The following AFG2A variants were observed in gnomAD, a reference collection of about 807,000 sequenced individuals.
AFG2A encodes ATPase family gene 2 protein homolog A.
the AFG2A span, among the ~76,000 whole-genome samples, chr4:123,085,618 C>G: frequency 1.8e-5 from 2 of 110,712 alleles, no homozygotes; most frequent in Non-Finnish European, 3.8e-5. Flanking sequence ...TTCTTGTAGG[C>G]AATATATAGT....
the AFG2A span, chr4:122,979,467 C>T: frequency 2.1e-6 from 3 of 1,446,754 alleles, no homozygotes; most frequent in South Asian, 2.7e-5. Flanking sequence ...AGACTGACTT[C>T]CTAGGCTAAA....
chr4:123,030,699 A>G, the AFG2A span, among the ~76,000 whole-genome samples: 1 of 152,350 alleles, frequency 6.6e-6, no homozygotes, highest in South Asian at 2.1e-4. Flanking sequence ...GGATATACTT[A>G]ATGAATGATG....
chr4:123,022,016 C>T, the AFG2A span, among the ~76,000 whole-genome samples: 1 of 151,118 alleles, frequency 6.6e-6, no homozygotes. Flanking sequence ...CCCTTCCTTA[C>T]GCCTTATACA....
the AFG2A span, among the ~76,000 whole-genome samples, chr4:123,216,381 T>C: frequency 0.054 from 8,249 of 152,256 alleles, 301 homozygotes; most frequent in African/African-American, 0.093. Flanking sequence ...AACTTTGTCC[T>C]AGATAATAAG....
chr4:123,108,146 C>T, the AFG2A span, among the ~76,000 whole-genome samples: 15,817 of 152,240 alleles, frequency 0.1, 932 homozygotes, highest in Middle Eastern at 0.2. Flanking sequence ...CTCACAGCCG[C>T]GCTCCAGACG....
At chr4:123,130,836 A>G in the AFG2A span, among the ~76,000 whole-genome samples, 8 of 152,142 alleles carry the variant, frequency 5.3e-5, no homozygotes, top group African/African-American at 1.7e-4. Flanking sequence ...AAACTGCCCT[A>G]TTACTTTCCA....
chr4:123,124,413 T>C, the AFG2A span, among the ~76,000 whole-genome samples: 1 of 152,188 alleles, frequency 6.6e-6, no homozygotes, highest in Non-Finnish European at 1.5e-5. Context: ...CCTCATGTTC[T>C]AACTCATAGG....
At chr4:123,278,480 C>A in the AFG2A span, among the ~76,000 whole-genome samples, 1 of 152,100 alleles carries the variant, frequency 6.6e-6, no homozygotes, top group Non-Finnish European at 1.5e-5. Context: ...TTGGTGATTT[C>A]TTGTCTTCTG....
At chr4:123,291,565 A>T in the AFG2A span, among the ~76,000 whole-genome samples, 1 of 152,194 alleles carries the variant, frequency 6.6e-6, no homozygotes, top group Non-Finnish European at 1.5e-5. Flanking sequence ...TTTCTCTCTC[A>T]TTTATGAAAA....
At chr4:123,119,907 G>T in the AFG2A span, among the ~76,000 whole-genome samples, 22 of 152,136 alleles carry the variant, frequency 1.4e-4, 1 homozygote, top group Admixed American at 1.4e-3. Flanking sequence ...TCACAGGGCT[G>T]AAGAGAGAGA....
chr4:123,133,687 T>C, the AFG2A span, among the ~76,000 whole-genome samples: 6 of 152,214 alleles, frequency 3.9e-5, no homozygotes, highest in Non-Finnish European at 7.3e-5. Context: ...CTTAAATGGC[T>C]ATACTAATTT....
chr4:122,971,970 A>G, the AFG2A span, among the ~76,000 whole-genome samples: 1 of 152,034 alleles, frequency 6.6e-6, no homozygotes. Context: ...ATTGACCTGT[A>G]ATTTTTTTTC....
chr4:122,930,145 A>G, the AFG2A span, among the ~76,000 whole-genome samples: 1 of 152,210 alleles, frequency 6.6e-6, no homozygotes, highest in Non-Finnish European at 1.5e-5. Context: ...TATTCGATTT[A>G]GTAAAACAAA....
chr4:123,022,166 C>A, the AFG2A span, among the ~76,000 whole-genome samples: 1 of 151,992 alleles, frequency 6.6e-6, no homozygotes, highest in African/African-American at 2.4e-5. Flanking sequence ...GCAATGGCAA[C>A]AAAAGCCAAA....
chr4:122,941,185 T>C, the AFG2A span, among the ~76,000 whole-genome samples: 1 of 151,858 alleles, frequency 6.6e-6, no homozygotes, highest in African/African-American at 2.4e-5. Flanking sequence ...CATTGGTAGC[T>C]TGATGGGGAT....
chr4:123,265,843 G>A, the AFG2A span, among the ~76,000 whole-genome samples: 1 of 152,022 alleles, frequency 6.6e-6, no homozygotes, highest in Non-Finnish European at 1.5e-5. Context: ...GCCGATTTGA[G>A]CATTTTAACA....
At chr4:123,040,134 GTTGTTA>G in the AFG2A span, among the ~76,000 whole-genome samples, 2 of 151,932 alleles carry the variant, frequency 1.3e-5, no homozygotes, top group African/African-American at 4.8e-5. Context: ...TCTAGAAGAA[GTTGTTA>G]TTGTTATTGG....
the AFG2A span, among the ~76,000 whole-genome samples, chr4:123,159,399 T>C: frequency 6.6e-6 from 1 of 152,156 alleles, no homozygotes; most frequent in Non-Finnish European, 1.5e-5. Context: ...ATAGAAGTCA[T>C]AGAAGTGTTG....
At chr4:123,244,089 A>C in the AFG2A span, among the ~76,000 whole-genome samples, 1 of 152,180 alleles carries the variant, frequency 6.6e-6, no homozygotes, top group Non-Finnish European at 1.5e-5. Context: ...TAAGATTAAA[A>C]AAAAAGACAT....
Sources: gnomAD v4.1 joint callset for allele counts (sites outside exome capture counted in the v4.1 genomes callset) on GRCh38, gnomAD v4.1.1 for gene constraint, MANE v1.5 for transcripts, NCBI Gene and HGNC (gene_info 2026-07-23, HGNC 2026-07-21) for gene names.